The following NEBL variants were observed in gnomAD, a reference collection of about 807,000 sequenced individuals.
NEBL encodes LIM and SH3 protein 2.
In NEBL, 122 loss-of-function variants were observed where a neutral mutation model predicts 140.2. The ratio of observed to expected loss-of-function variants is 0.87; its 90% CI spans 0.75 to 1.01. NEBL has a LOEUF of 1.01. NEBL is among the 50% of genes least tolerant of loss of function. The probability of loss-of-function intolerance (pLI) is 0.00; values close to 1 mark genes in which losing one functional copy is unlikely to be tolerated. For synonymous variants in NEBL, 436 were observed against 398.9 expected (o/e 1.09, Z -1.11); for missense variants, 1,365 against 1,231.3 (o/e 1.11, Z -1.62).
intron 2 of NEBL, among the ~76,000 whole-genome samples, chr10:21,046,924 T>TTTGTTACTTTGTTTTAATA (rs1834546529): frequency 6.6e-6 from 1 of 152,172 alleles, no homozygotes; most frequent in South Asian, 2.1e-4. Context: ...ATTTTTATCA[T>TTTGTTACTTTGTTTTAATA]TTGTTACTTT....
chr10:21,112,525 T>C (rs942350959), intron 2 of NEBL, among the ~76,000 whole-genome samples: 23 of 120,160 alleles, frequency 1.9e-4, no homozygotes, highest in African/African-American at 7.3e-4. Context: ...CACTCATAGG[T>C]GGGAACTGAA....
intron 4 of NEBL, among the ~76,000 whole-genome samples, chr10:20,903,291 A>G (rs1195962128): frequency 6.6e-6 from 1 of 152,240 alleles, no homozygotes; most frequent in African/African-American, 2.4e-5. Context: ...TCATCAGATA[A>G]ATGCAAATTA....
intron 2 of NEBL, among the ~76,000 whole-genome samples, chr10:21,120,556 T>G (rs546018636): frequency 6.7e-5 from 10 of 149,826 alleles, no homozygotes; most frequent in Non-Finnish European, 1.3e-4. Context: ...TTTTAGCACC[T>G]GCTGGCCATT....
intron 1 of NEBL, among the ~76,000 whole-genome samples, chr10:21,279,756 TA>T (rs11327218): frequency 0.63 from 85,947 of 135,610 alleles, 26,699 homozygotes; most frequent in East Asian, 0.95. Context: ...AGAATCCATA[TA>T]AAAAAAAAAA....
chr10:20,819,547 T>C, intron 19 of NEBL, 31 bp from the exon 20 acceptor site: 2 of 1,612,972 alleles, frequency 1.2e-6, no homozygotes, highest in Admixed American at 1.7e-5. Context: ...CAGTTTGAGA[T>C]TATGGGAAAT....
intron 9 of NEBL, among the ~76,000 whole-genome samples, chr10:20,853,415 C>T (rs116675054): frequency 0.026 from 3,996 of 152,196 alleles, 162 homozygotes; most frequent in African/African-American, 0.088. Context: ...CCTAAGTGTC[C>T]ATCAACAGAT....
chr10:21,115,643 C>A (rs1047283382), intron 2 of NEBL, among the ~76,000 whole-genome samples: 4 of 151,974 alleles, frequency 2.6e-5, no homozygotes, highest in Non-Finnish European at 5.9e-5. Flanking sequence ...GCATAATGTC[C>A]TTTGTCTCTG....
chr10:21,181,815 C>G (rs1841392711), intron 3 of NEBL, among the ~76,000 whole-genome samples: 1 of 152,216 alleles, frequency 6.6e-6, no homozygotes, highest in African/African-American at 2.4e-5. Flanking sequence ...CTTCACCTCC[C>G]ACAAACAACA....
chr10:20,917,708 C>G (rs571528735), intron 4 of NEBL, among the ~76,000 whole-genome samples: 28 of 152,220 alleles, frequency 1.8e-4, no homozygotes, highest in Non-Finnish European at 3.5e-4. Flanking sequence ...ATGTAAAACA[C>G]TTAGCAGCAA....
chr10:20,961,737 A>G (rs1205161950), exon 4 of NEBL: 1 of 1,613,936 alleles, frequency 6.2e-7, no homozygotes, highest in Admixed American at 1.7e-5. Context: ...ACGATGCTGA[A>G]GCCCCTCCCT....
intron 4 of NEBL, among the ~76,000 whole-genome samples, chr10:20,920,516 A>G (rs1833531823): frequency 6.6e-6 from 1 of 152,238 alleles, no homozygotes; most frequent in Non-Finnish European, 1.5e-5. Context: ...AATAGAGGAA[A>G]AAGCAAAGTA....
intron 2 of NEBL, among the ~76,000 whole-genome samples, chr10:21,125,108 A>C (rs1838759429): frequency 6.6e-6 from 1 of 152,246 alleles, no homozygotes. Context: ...CTATGGCGGC[A>C]AAGAAGAGAC....
intron 2 of NEBL, among the ~76,000 whole-genome samples, chr10:21,142,876 C>G (rs377494722): frequency 1.3e-5 from 2 of 152,118 alleles, no homozygotes; most frequent in Non-Finnish European, 2.9e-5. Flanking sequence ...TCCTGCCCCC[C>G]ACCCCCAACA....
chr10:20,980,445 T>C (rs58214792), intron 3 of NEBL, among the ~76,000 whole-genome samples: 196 of 151,760 alleles, frequency 1.3e-3, no homozygotes, highest in African/African-American at 4.6e-3. Context: ...GAAAGAAAAG[T>C]AGAGAAGAAA....
intron 4 of NEBL, among the ~76,000 whole-genome samples, chr10:20,936,168 A>G (rs2131549854): frequency 6.6e-6 from 1 of 152,376 alleles, no homozygotes; most frequent in African/African-American, 2.4e-5. Context: ...ATTAAGCACA[A>G]TGACAAATCT....
chr10:20,888,215 A>G lies in NEBL; in HGVS notation c.259-8T>C, dbSNP rs753391210. ...GGTGCCTTTGTATTTTGCCTGGGGG[A>G]AAAAAAAACAGGAAAAAAATAAATA... On this transcript the variant is annotated splice_polypyrimidine_tract_variant and splice_region_variant and intron_variant, in intron 3 of 27. Transcript: ENST00000377122. 24 of 1,417,580 alleles carry G rather than the reference A, an allele frequency of 1.7e-5. No individual in the cohort carries two copies. Among genetic ancestry groups the G allele is most frequent in the South Asian group, 4.8e-5 (4 of 83,768 alleles). 87.8% of individuals were successfully genotyped at this position (1,417,580 alleles called of 1,614,324 possible). A position where few individuals can be genotyped will look rare whatever the true frequency, so the allele number is the denominator to read the frequency against.
At chr10:20,895,524 C>T in intron 2 of NEBL, among the ~76,000 whole-genome samples, 1 of 152,184 alleles carries the variant, frequency 6.6e-6, no homozygotes, top group South Asian at 2.1e-4. Flanking sequence ...ACCTCGCAAG[C>T]TGCAATCCCT....
chr10:21,253,702 C>T (rs182058540), intron 1 of NEBL, among the ~76,000 whole-genome samples: 1 of 152,120 alleles, frequency 6.6e-6, no homozygotes, highest in Non-Finnish European at 1.5e-5. Context: ...TGCTACCATG[C>T]CTGGCTAATT....
At chr10:20,894,557 A>T (rs1399759546) in intron 2 of NEBL, among the ~76,000 whole-genome samples, 1 of 152,094 alleles carries the variant, frequency 6.6e-6, no homozygotes, top group East Asian at 1.9e-4. Flanking sequence ...AAATTAAATA[A>T]GTATCTTAGC....
Sources: gnomAD v4.1 joint callset for allele counts (sites outside exome capture counted in the v4.1 genomes callset) on GRCh38, gnomAD v4.1.1 for gene constraint, MANE v1.5 for transcripts, NCBI Gene and HGNC (gene_info 2026-07-23, HGNC 2026-07-21) for gene names.